Variants in KIAA0586 observed in about 807,000 individuals in gnomAD.
The protein encoded by KIAA0586 is KIAA0586.
KIAA0586 carries 144 observed loss-of-function variants against 169.8 expected under a neutral mutation model. The ratio of observed to expected loss-of-function variants is 0.85; its 90% CI spans 0.74 to 0.97. KIAA0586 has a LOEUF of 0.97. Ranked by LOEUF, KIAA0586 falls within the 50% of genes least tolerant of loss-of-function variation. KIAA0586 has a pLI of 0.00. For synonymous variants in KIAA0586, 625 were observed against 612.4 expected, an observed-to-expected ratio of 1.02 and a Z score of -0.30; for missense variants, 1,854 against 1,823.0, an observed-to-expected ratio of 1.02 and a Z score of -0.31.
chr14:58,495,292 GTA>G (rs374165918), intron 26 of KIAA0586, among the ~76,000 whole-genome samples: 140 of 150,758 alleles, frequency 9.3e-4, no homozygotes, highest in African/African-American at 2.4e-3. Flanking sequence ...GTGTGTGTGT[GTA>G]TATATATATA....
chr14:58,541,840 C>T (rs1335516198), intron 30 of KIAA0586, among the ~76,000 whole-genome samples: 1 of 152,158 alleles, frequency 6.6e-6, no homozygotes, highest in Non-Finnish European at 1.5e-5. Context: ...TTAAATGACA[C>T]ACTGCAAACC....
chr14:58,455,771 G>A (rs1394532619), intron 9 of KIAA0586, among the ~76,000 whole-genome samples: 2 of 151,996 alleles, frequency 1.3e-5, no homozygotes, highest in Non-Finnish European at 2.9e-5. Flanking sequence ...GTCTGTTTTA[G>A]CCTTTCACTT....
intron 29 of KIAA0586, among the ~76,000 whole-genome samples, chr14:58,527,545 C>T (rs989564383): frequency 9.9e-5 from 15 of 152,042 alleles, no homozygotes; most frequent in Admixed American, 8.5e-4. Context: ...AATGGGGGGC[C>T]AATATTCAGC....
At position 58,448,360 on chromosome 14, in the gene KIAA0586, A is replaced by C; in HGVS notation, c.828A>C (p.Ala276=). ...TCTAGACTCATTTTATTAGTGCTGC[A>C]CTCAAGACTAGTAGTTTTCAGCCTG... ...IDIQTHFISA[A]LKTSSFQPVS... The change falls in exon 7 of 31, where the codon GCA becomes GCC. Residue 276 remains alanine (A), a synonymous_variant. Coordinates refer to ENST00000652326, the MANE Select transcript of KIAA0586 (RefSeq NM_001329943.3). 1 of 1,594,660 alleles carries C rather than the reference A, an allele frequency of 6.3e-7. No individual in the cohort carries two copies. The highest frequency in any genetic ancestry group is 8.6e-7 in the Non-Finnish European group (1 of 1,165,300).
chr14:58,526,773 T>C (rs1349504033), intron 29 of KIAA0586, among the ~76,000 whole-genome samples: 3 of 152,148 alleles, frequency 2.0e-5, no homozygotes, highest in Non-Finnish European at 4.4e-5. Flanking sequence ...TAAAGGAGCA[T>C]GTTCTAACCC....
chr14:58,543,201 C>CT (rs1810653782), intron 30 of KIAA0586, among the ~76,000 whole-genome samples: 1 of 150,184 alleles, frequency 6.7e-6, no homozygotes, highest in Non-Finnish European at 1.5e-5. Flanking sequence ...GTTGAGAAAA[C>CT]TGGGGTTCAG....
the KIAA0586 span, among the ~76,000 whole-genome samples, chr14:58,559,030 G>T: frequency 6.6e-6 from 1 of 152,198 alleles, no homozygotes; most frequent in Non-Finnish European, 1.5e-5. Flanking sequence ...ATAGTCCTAA[G>T]GTTTCAGTGG....
intron 20 of KIAA0586, among the ~76,000 whole-genome samples, chr14:58,482,257 C>G (rs1282300965): frequency 3.3e-5 from 5 of 151,882 alleles, no homozygotes; most frequent in Non-Finnish European, 7.4e-5. Flanking sequence ...GAAACCCCAT[C>G]TCTACTAAAA....
intron 14 of KIAA0586, among the ~76,000 whole-genome samples, chr14:58,462,014 A>G (rs1479313074): frequency 3.3e-5 from 5 of 152,198 alleles, no homozygotes; most frequent in East Asian, 3.9e-4. Flanking sequence ...AGCTGACAAT[A>G]TGTGATAACT....
intron 17 of KIAA0586, 57 bp from the exon 18 acceptor site, chr14:58,472,142 C>A: frequency 1.2e-6 from 1 of 843,884 alleles, no homozygotes; most frequent in South Asian, 1.9e-5. Context: ...TGATAAATTA[C>A]TTATAAATTT....
chr14:58,505,426 C>T (rs533390766), intron 27 of KIAA0586, among the ~76,000 whole-genome samples: 2 of 152,190 alleles, frequency 1.3e-5, no homozygotes, highest in Non-Finnish European at 2.9e-5. Flanking sequence ...TCCACACACA[C>T]ATCCTACCAG....
chr14:58,547,180 T>C (rs1368017148), intron 30 of KIAA0586, among the ~76,000 whole-genome samples: 5 of 151,934 alleles, frequency 3.3e-5, no homozygotes, highest in Admixed American at 2.0e-4. Flanking sequence ...AAGTTCTTGC[T>C]CTAACCACAA....
chr14:58,556,605 T>C, the KIAA0586 span, among the ~76,000 whole-genome samples: 2 of 152,228 alleles, frequency 1.3e-5, no homozygotes, highest in Non-Finnish European at 2.9e-5. Context: ...ACCACCATTC[T>C]GACTTCTATC....
intron 29 of KIAA0586, among the ~76,000 whole-genome samples, chr14:58,529,995 C>A (rs893785209): frequency 2.6e-5 from 4 of 152,190 alleles, no homozygotes; most frequent in Admixed American, 2.0e-4. Flanking sequence ...AGCTGATAAG[C>A]AACTTCAGCA....
At position 58,512,546 on chromosome 14, in the gene KIAA0586, G is replaced by A; in HGVS notation, c.4348G>A (p.Val1450Ile). The change falls in exon 29 of 31, where the codon GTT (valine) becomes ATT (isoleucine). Residue 1450 changes from valine (V) to isoleucine (I), a missense_variant. Val to Ile is a conservative substitution (Grantham distance 29). Coordinates refer to ENST00000652326, the MANE Select transcript of KIAA0586 (RefSeq NM_001329943.3). ...GTACCAACTAAAGCAAAATCAGGAT[G>A]TTAAGCAAGTTGAACACAAACCATC... is the stretch of plus-strand genomic sequence containing the variant. ...SQYQLKQNQDVKQVEHKPSQS... is the reference protein window; with the variant it reads ...SQYQLKQNQDIKQVEHKPSQS... 1 of 1,538,186 alleles carries A rather than the reference G, an allele frequency of 6.5e-7. No homozygotes were observed. Among genetic ancestry groups the A allele is most frequent in the Non-Finnish European group, 8.7e-7 (1 of 1,149,526 alleles).
rs148913979 is a variant in KIAA0586 at position 58,507,976 on chromosome 14, G to C, written c.4169-579G>C. ...AATTTTTGTATTTTTAGTAGAGACA[G>C]GTTTCACCGTGTTGGCCAGGCTGGT... On this transcript the variant is annotated intron_variant, in intron 27 of 30. Transcript: ENST00000652326. Among the ~76,000 whole-genome samples the C allele has an allele frequency of 6.0e-4, 92 of 152,098 alleles. 1 individual carries two copies. In the East Asian group the frequency reaches 0.017, roughly 28 times the overall value.
chr14:58,559,717 T>A, the KIAA0586 span, among the ~76,000 whole-genome samples: 1 of 152,098 alleles, frequency 6.6e-6, no homozygotes. Flanking sequence ...AGGAGCAGAA[T>A]AGGATGTCAG....
Position 58,448,413 on chromosome 14 carries a change from A to G in KIAA0586, c.881A>G (p.Glu294Gly), listed in dbSNP as rs765495285. Residue 294 changes from glutamate to glycine, a missense_variant, in exon 7 of 31, where the codon GAA (glutamate) becomes GGA (glycine). Coordinates refer to ENST00000652326, the MANE Select transcript of KIAA0586 (RefSeq NM_001329943.3). Reference sequence around the variant, plus strand: ...AGTATGCCCTCCTCCAGAGCAGTGGAAAAGTATTCCGTAAAACCAGAACAC... The same window carrying G: ...AGTATGCCCTCCTCCAGAGCAGTGGGAAAGTATTCCGTAAAACCAGAACAC... ...PVSMPSSRAV[E>G]KYSVKPEHPN... 8 of 1,610,532 alleles carry G rather than the reference A, an allele frequency of 5.0e-6. No individual in the cohort carries two copies. The highest frequency in any genetic ancestry group is 5.9e-6 in the Non-Finnish European group (7 of 1,177,082).
At chr14:58,466,518 T>A (rs2040788413) in intron 15 of KIAA0586, among the ~76,000 whole-genome samples, 1 of 152,126 alleles carries the variant, frequency 6.6e-6, no homozygotes, top group South Asian at 2.1e-4. Context: ...GGAGGATTGC[T>A]TGAGACCAAG....
Sources: gnomAD v4.1 joint callset for allele counts (sites outside exome capture counted in the v4.1 genomes callset) on GRCh38, gnomAD v4.1.1 for gene constraint, MANE v1.5 for transcripts, NCBI Gene and HGNC (gene_info 2026-07-23, HGNC 2026-07-21) for gene names.